The following SLC24A5 variants were observed in gnomAD, a reference collection of about 807,000 sequenced individuals.
The protein encoded by SLC24A5 is sodium/potassium/calcium exchanger 5.
A neutral mutation model predicts 51.6 loss-of-function variants in SLC24A5; 46 were observed. The ratio of observed to expected loss-of-function variants is 0.89; its 90% CI spans 0.70 to 1.14. The LOEUF (loss-of-function observed/expected upper bound fraction) is 1.14, where lower values mean the gene tolerates loss of function less well. SLC24A5 is among the 50% of genes most tolerant of loss of function. The probability of loss-of-function intolerance (pLI) is 0.00; values close to 1 mark genes in which losing one functional copy is unlikely to be tolerated. For synonymous variants in SLC24A5, 230 were observed against 214.9 expected, an observed-to-expected ratio of 1.07 and a Z score of -0.62; for missense variants, 581 against 604.1, an observed-to-expected ratio of 0.96 and a Z score of 0.40.
chr15:48,126,423 T>C (rs945714587), intron 2 of SLC24A5, among the ~76,000 whole-genome samples: 3 of 152,192 alleles, frequency 2.0e-5, no homozygotes, highest in African/African-American at 7.2e-5. Context: ...ATGAAATTAA[T>C]TGGTGTTGTA....
intron 8 of SLC24A5, chr15:48,141,597 A>G (rs939642231): frequency 6.2e-6 from 1 of 160,696 alleles, no homozygotes; most frequent in African/African-American, 2.4e-5. Flanking sequence ...AAAAACCAAA[A>G]AAAAAAAAAA....
At chr15:48,121,212 T>A in intron 1 of SLC24A5, 47 bp downstream of exon 1, 1 of 1,550,998 alleles carries the variant, frequency 6.4e-7, no homozygotes, top group South Asian at 1.2e-5. Flanking sequence ...CAGCTGCTGC[T>A]GCTGCTACCA....
At chr15:48,141,297 A>G (rs2470102) in intron 8 of SLC24A5, 83 bp downstream of exon 8, 126,603 of 1,188,128 alleles carry the variant, frequency 0.11, 39,059 homozygotes, top group African/African-American at 0.81. Flanking sequence ...GTTTACTTCC[A>G]GCCGGGTGTG....
At chr15:48,133,587 C>T (rs1378518118) in intron 2 of SLC24A5, among the ~76,000 whole-genome samples, 3 of 152,088 alleles carry the variant, frequency 2.0e-5, no homozygotes, top group Admixed American at 6.6e-5. Context: ...AATCAATAGA[C>T]TACACAATAT....
chr15:48,122,121 TC>T, intron 2 of SLC24A5, 85 bp downstream of exon 2: 1 of 1,391,566 alleles, frequency 7.2e-7, no homozygotes, highest in Non-Finnish European at 1.0e-6. Flanking sequence ...TCAGCAGCTG[TC>T]CTGTACTTCT....
chr15:48,134,594 C>A, intron 4 of SLC24A5, 56 bp downstream of exon 4: 1 of 1,405,976 alleles, frequency 7.1e-7, no homozygotes, highest in Non-Finnish European at 1.0e-6. Context: ...CTAAAGATAA[C>A]TGTTCGTCGT....
At chr15:48,127,875 C>A (rs2038748286) in intron 2 of SLC24A5, among the ~76,000 whole-genome samples, 1 of 151,538 alleles carries the variant, frequency 6.6e-6, no homozygotes, top group Admixed American at 6.6e-5. Flanking sequence ...GTTTAAAGTT[C>A]CTTTTATTTC....
intron 2 of SLC24A5, among the ~76,000 whole-genome samples, chr15:48,128,040 G>A (rs1463879227): frequency 6.6e-6 from 1 of 151,042 alleles, no homozygotes; most frequent in East Asian, 1.9e-4. Context: ...GACCAAATAG[G>A]ACCAGTATGT....
chr15:48,122,300 C>G, intron 2 of SLC24A5: 1 of 583,162 alleles, frequency 1.7e-6, no homozygotes, highest in East Asian at 2.8e-5. Context: ...TGTCTACTGC[C>G]TGGATGTTTG....
chr15:48,131,620 A>G (rs189131951), intron 2 of SLC24A5, among the ~76,000 whole-genome samples: 1 of 152,274 alleles, frequency 6.6e-6, no homozygotes, highest in Admixed American at 6.5e-5. Flanking sequence ...GGCTCTCACC[A>G]GATGCCCAAT....
chr15:48,126,622 C>A (rs983982286), intron 2 of SLC24A5, among the ~76,000 whole-genome samples: 1 of 152,114 alleles, frequency 6.6e-6, no homozygotes, highest in Non-Finnish European at 1.5e-5. Context: ...GAGGAATAAA[C>A]TAAGGAGAGC....
chr15:48,134,963 T>C lies in SLC24A5; in HGVS notation c.569T>C (p.Ile190Thr), dbSNP rs780176538. 2.5e-6 allele frequency: 4 copies of C among 1,610,004 alleles called. No individual in the cohort carries two copies. In the East Asian group the frequency reaches 6.7e-5, roughly 27 times the overall value. The change falls in exon 5 of 9, where the codon ATA becomes ACA. Residue 190 changes from isoleucine (I) to threonine (T), a missense_variant. Ile to Thr is a moderately conservative substitution (Grantham distance 89). Transcript: ENST00000341459. ...AGTGCAGCAGCAGTTCTTGGTATAA[T>C]ATATGACAACCAAGTTTACTGGTAA... Reference protein sequence around the residue: ...TISAAAVLGIIYDNQVYWYEG... With the variant: ...TISAAAVLGITYDNQVYWYEG...
At chr15:48,135,691 G>C (rs2038878328) in intron 5 of SLC24A5, 3 of 148,680 alleles carry the variant, frequency 2.0e-5, no homozygotes, top group Admixed American at 6.7e-5. Flanking sequence ...CATAACTCCA[G>C]AGGACACCAG....
chr15:48,136,759 T>C lies in SLC24A5; in HGVS notation c.667T>C (p.Tyr223His), dbSNP rs368998707. 1.2e-6 allele frequency: 2 copies of C among 1,613,362 alleles called. No homozygotes were observed. The highest frequency in any genetic ancestry group is 1.7e-6 in the Non-Finnish European group (2 of 1,179,722). Residue 223 changes from tyrosine (Y) to histidine (H), a missense_variant, in exon 6 of 9, where the codon TAT becomes CAT. Physicochemically the swap from Tyr to His is moderately conservative, Grantham distance 83 (BLOSUM62 2). Coordinates refer to ENST00000341459, the MANE Select transcript of SLC24A5 (RefSeq NM_205850.3). ...GTGTTTTGACATTAAAATTAACCAA[T>C]ATATTATAAAGAAATGCAGTCCTTG... ...VLCFDIKINQ[Y>H]IIKKCSPCCA...
Position 48,121,996 on chromosome 15 carries a change from T to G in SLC24A5, c.261T>G (p.Cys87Trp). Residue 87 changes from cysteine to tryptophan, a missense_variant, in exon 2 of 9, where the codon TGT becomes TGG. Physicochemically the swap from Cys to Trp is radical, Grantham distance 215. Transcript: ENST00000341459. ...VYMFMAISIV[C>W]DEYFLPSLEI... ...TGTTCATGGCCATATCTATTGTCTG[T>G]GATGAATACTTCCTACCCTCCCTGG... 2 of 1,614,220 alleles carry G rather than the reference T, an allele frequency of 1.2e-6. No homozygotes were observed. Among genetic ancestry groups the G allele is most frequent in the Non-Finnish European group, 1.7e-6 (2 of 1,180,030 alleles).
At chr15:48,129,562 A>G (rs1254229153) in intron 2 of SLC24A5, among the ~76,000 whole-genome samples, 1 of 152,090 alleles carries the variant, frequency 6.6e-6, no homozygotes, top group Non-Finnish European at 1.5e-5. Flanking sequence ...CAGGACGCCA[A>G]ATTGCATATA....
chr15:48,141,511 A>C (rs1031920567), intron 8 of SLC24A5: 2 of 204,368 alleles, frequency 9.8e-6, no homozygotes, highest in African/African-American at 4.7e-5. Flanking sequence ...CAGGAGGCGG[A>C]GGTTGCAGTG....
chr15:48,136,002 A>C (rs901537420), intron 5 of SLC24A5: 2 of 152,174 alleles, frequency 1.3e-5, no homozygotes, highest in Admixed American at 1.3e-4. Flanking sequence ...CACTGGCTAT[A>C]AAAGGTAAAT....
intron 2 of SLC24A5, chr15:48,124,543 T>C (rs1416607074): frequency 1.3e-5 from 2 of 152,054 alleles, no homozygotes; most frequent in African/African-American, 4.8e-5. Context: ...AACTGAACAA[T>C]GACATGACTG....
Sources: allele counts gnomAD v4.1 joint callset (sites outside exome capture counted in the v4.1 genomes callset), GRCh38; gene constraint gnomAD v4.1.1; transcripts MANE v1.5; gene names NCBI Gene and HGNC (gene_info 2026-07-23, HGNC 2026-07-21).